The following KIF16B variants were observed in gnomAD, a reference collection of about 807,000 sequenced individuals.
KIF16B encodes kinesin-like protein KIF16B.
A neutral mutation model predicts 156.3 loss-of-function variants in KIF16B; 98 were observed. The observed-to-expected ratio is 0.63, with a 90% confidence interval of 0.53 to 0.74. The LOEUF (loss-of-function observed/expected upper bound fraction) is 0.74, where lower values mean the gene tolerates loss of function less well. Among genes scored for constraint, KIF16B ranks in the 30% least tolerant of loss-of-function variants. KIF16B has a pLI of 0.00. For synonymous variants in KIF16B, 564 were observed against 583.7 expected (o/e 0.97, Z 0.49); for missense variants, 1,421 against 1,606.5 (o/e 0.88, Z 1.97).
intron 1 of KIF16B, among the ~76,000 whole-genome samples, chr20:16,538,976 A>G (rs2070088196): frequency 6.6e-6 from 1 of 152,134 alleles, no homozygotes; most frequent in South Asian, 2.1e-4. Flanking sequence ...ACCTTCAGCC[A>G]TGAGTAATAG....
At chr20:16,496,694 T>C (rs6044032) in intron 11 of KIF16B, among the ~76,000 whole-genome samples, 35 of 152,344 alleles carry the variant, frequency 2.3e-4, no homozygotes, top group African/African-American at 7.9e-4. Flanking sequence ...AATTTAAGAC[T>C]ATATCCAGAT....
chr20:16,382,606 A>G (rs542059853), intron 17 of KIF16B, among the ~76,000 whole-genome samples: 52 of 152,360 alleles, frequency 3.4e-4, no homozygotes, highest in African/African-American at 1.2e-3. Flanking sequence ...CACTAAAATA[A>G]TAACACAAGC....
At chr20:16,433,234 C>T (rs1329394317) in intron 12 of KIF16B, among the ~76,000 whole-genome samples, 1 of 152,152 alleles carries the variant, frequency 6.6e-6, no homozygotes, top group Non-Finnish European at 1.5e-5. Flanking sequence ...CACACACAGT[C>T]AGTAGCCCCA....
At chr20:16,326,534 G>A (rs1180324134) in intron 24 of KIF16B, among the ~76,000 whole-genome samples, 1 of 150,058 alleles carries the variant, frequency 6.7e-6, no homozygotes, top group East Asian at 1.9e-4. Flanking sequence ...ATTCTCAAAA[G>A]AAGATACACA....
chr20:16,353,279 C>T (rs116356705), intron 23 of KIF16B, among the ~76,000 whole-genome samples: 4,707 of 152,120 alleles, frequency 0.031, 95 homozygotes, highest in African/African-American at 0.051. Context: ...ACAGGGCCTA[C>T]GCATGAAATG....
chr20:16,298,349 T>C (rs1468131999), intron 25 of KIF16B, among the ~76,000 whole-genome samples: 1 of 152,220 alleles, frequency 6.6e-6, no homozygotes, highest in Non-Finnish European at 1.5e-5. Flanking sequence ...ATTAGAATTG[T>C]GAGCTCCTTG....
chr20:16,497,878 G>A lies in KIF16B; in HGVS notation c.1177-200C>T, dbSNP rs533960469. Among the ~76,000 whole-genome samples the A allele has an allele frequency of 2.5e-3, 376 of 152,148 alleles. 1 individual carries two copies. The highest frequency in any genetic ancestry group is 3.7e-3 in the Non-Finnish European group (251 of 68,000). On this transcript the variant is annotated intron_variant, in intron 10 of 25. Transcript: ENST00000354981. ...ATCTCTCATAATATTCAAAACCATG[G>A]CATCCCAGTAAACCTACATTTGCAA...
At chr20:16,476,491 AT>A (rs2067817413) in intron 12 of KIF16B, among the ~76,000 whole-genome samples, 1 of 152,224 alleles carries the variant, frequency 6.6e-6, no homozygotes, top group African/African-American at 2.4e-5. Flanking sequence ...ATCTTGTTAA[AT>A]TTAACAAAAA....
At chr20:16,308,228 TA>T (rs1194825541) in intron 25 of KIF16B, among the ~76,000 whole-genome samples, 68 of 152,264 alleles carry the variant, frequency 4.5e-4, no homozygotes, top group Non-Finnish European at 1.6e-4. Context: ...AGATTATAAA[TA>T]AAAGCCATCG....
chr20:16,380,221 C>T, intron 18 of KIF16B, 58 bp from the exon 19 acceptor site: 1 of 1,397,464 alleles, frequency 7.2e-7, no homozygotes, highest in Non-Finnish European at 9.4e-7. Flanking sequence ...GTTGCTCTAA[C>T]TTTACTGAAA....
chr20:16,526,100 G>T lies in KIF16B; in HGVS notation c.223C>A (p.Gln75Lys). 1 of 1,566,172 alleles carries T rather than the reference G, an allele frequency of 6.4e-7. No individual in the cohort carries two copies. Residue 75 changes from glutamine (Q) to lysine (K), a missense_variant, in exon 3 of 26, where the codon CAA (glutamine) becomes AAA (lysine). Transcript: ENST00000354981. ...ADTKSPDYVS[Q>K]EMVFKTLGTD... ...TTGAAAATATCATATACCATTTCTT[G>T]TGAAACGTAATCTGGGCTTTTTGTA...
chr20:16,483,388 C>A (rs16997684), intron 12 of KIF16B, among the ~76,000 whole-genome samples: 1 of 152,130 alleles, frequency 6.6e-6, no homozygotes, highest in Non-Finnish European at 1.5e-5. Context: ...TGATAAAATA[C>A]GTCTAAGTAA....
chr20:16,449,290 A>T (rs1009012380), intron 12 of KIF16B, among the ~76,000 whole-genome samples: 1 of 152,214 alleles, frequency 6.6e-6, no homozygotes, highest in African/African-American at 2.4e-5. Flanking sequence ...TTTTAAAAAT[A>T]AAATTGTAAA....
chr20:16,389,757 A>T (rs1417359781), intron 17 of KIF16B, among the ~76,000 whole-genome samples: 7 of 152,342 alleles, frequency 4.6e-5, no homozygotes, highest in African/African-American at 1.7e-4. Flanking sequence ...GCTAAGCAGA[A>T]AGCAGTTATT....
chr20:16,486,550 C>T (rs987970085), intron 12 of KIF16B, among the ~76,000 whole-genome samples: 3 of 152,084 alleles, frequency 2.0e-5, no homozygotes, highest in Non-Finnish European at 4.4e-5. Flanking sequence ...CAGGCATGAC[C>T]TACACATGGA....
intron 11 of KIF16B, among the ~76,000 whole-genome samples, chr20:16,497,330 C>G (rs2068479345): frequency 6.6e-6 from 1 of 152,242 alleles, no homozygotes; most frequent in Non-Finnish European, 1.5e-5. Context: ...GGACTCCAGT[C>G]AGCTCTGATG....
intron 22 of KIF16B, chr20:16,369,012 A>G: frequency 1.0e-6 from 1 of 985,860 alleles, no homozygotes; most frequent in Non-Finnish European, 1.2e-6. Flanking sequence ...AATGGCCAGC[A>G]TGCTCAGGAT....
At chr20:16,560,019 C>T (rs2071000644) in intron 1 of KIF16B, among the ~76,000 whole-genome samples, 1 of 152,022 alleles carries the variant, frequency 6.6e-6, no homozygotes, top group Non-Finnish European at 1.5e-5. Flanking sequence ...GTAAAAGGTA[C>T]ATGGGAACTC....
At chr20:16,520,661 C>G (rs1295874692) in intron 3 of KIF16B, among the ~76,000 whole-genome samples, 2 of 152,224 alleles carry the variant, frequency 1.3e-5, no homozygotes, top group Non-Finnish European at 2.9e-5. Flanking sequence ...GATCTCCCAG[C>G]ACAGCACTCA....
Sources: allele counts gnomAD v4.1 joint callset (sites outside exome capture counted in the v4.1 genomes callset), GRCh38; gene constraint gnomAD v4.1.1; transcripts MANE v1.5; gene names NCBI Gene and HGNC (gene_info 2026-07-23, HGNC 2026-07-21).